Variants in SCUBE3 observed in about 807,000 individuals in gnomAD.
SCUBE3 encodes signal peptide, CUB and EGF-like domain-containing protein 3.
SCUBE3 carries 33 observed loss-of-function variants against 116.8 expected under a neutral mutation model. The observed-to-expected ratio is 0.28, with a 90% CI of 0.21 to 0.38. The LOEUF is 0.38. Ranked by LOEUF, SCUBE3 falls within the 10% of genes least tolerant of loss-of-function variation. SCUBE3 has a pLI of 1.00. For synonymous variants in SCUBE3, 418 were observed against 496.9 expected, an observed-to-expected ratio of 0.84 and a Z score of 2.11; for missense variants, 1,007 against 1,324.8, an observed-to-expected ratio of 0.76 and a Z score of 3.72.
intron 21 of SCUBE3, 68 bp downstream of exon 21, chr6:35,246,353 C>A: frequency 1.8e-6 from 2 of 1,120,720 alleles, no homozygotes; most frequent in Non-Finnish European, 1.4e-6. Flanking sequence ...AGGCAATAGG[C>A]TAAGTGCTTA....
intron 6 of SCUBE3, among the ~76,000 whole-genome samples, chr6:35,236,120 G>A (rs577708139): frequency 6.6e-6 from 1 of 152,310 alleles, no homozygotes; most frequent in Non-Finnish European, 1.5e-5. Context: ...CTTCCTTAGG[G>A]TTGTAATGCT....
In SCUBE3 at chr6:35,241,759, G is replaced by A. The variant is rs775435699; in HGVS notation, c.1313-47G>A. 8.4e-6 allele frequency: 13 copies of A among 1,541,236 alleles called. No homozygotes were observed. The highest frequency in any genetic ancestry group is 2.2e-5 in the East Asian group (1 of 44,566). ...TTCCCCCTGGATTCCTCCAGCCAGC[G>A]GGGGTTGGGAAGGCAGGTCAGAACT... On this transcript the variant is annotated intron_variant, in intron 11 of 21. Transcript: ENST00000274938. The surrounding 1 kb of genome is among the most constrained non-coding windows in gnomAD (Gnocchi z 4.1).
chr6:35,224,902 T>C (rs996537064), intron 1 of SCUBE3, among the ~76,000 whole-genome samples: 1 of 152,212 alleles, frequency 6.6e-6, no homozygotes, highest in African/African-American at 2.4e-5. Flanking sequence ...AGAGCAGTGC[T>C]ATCCTGTGGT....
At position 35,245,090 on chromosome 6, in the gene SCUBE3, T is replaced by C. The variant is rs1391679113; in HGVS notation, c.2402-138T>C. 2 of 819,078 alleles carry C rather than the reference T, an allele frequency of 2.4e-6. No homozygotes were observed. The highest frequency in any genetic ancestry group is 2.4e-5 in the East Asian group (1 of 41,044). The allele number at this position is 819,078 out of a possible 1,614,324, so 50.7% of individuals were successfully genotyped here. On this transcript the variant is annotated intron_variant, in intron 18 of 21. Coordinates refer to ENST00000274938, the MANE Select transcript of SCUBE3 (RefSeq NM_152753.4). The surrounding 1 kb of genome is among the most constrained non-coding windows in gnomAD (Gnocchi z 4.2). The stretch of plus-strand genomic sequence containing the variant: ...CAGGAAGGAAGATGGACTCAGAGCT[T>C]GGAAAATAATGATGAACTAGAACGC...
At chr6:35,225,180 C>T (rs1427616618) in intron 1 of SCUBE3, among the ~76,000 whole-genome samples, 2 of 152,240 alleles carry the variant, frequency 1.3e-5, no homozygotes. Context: ...AGCCAATTTA[C>T]ACAAATTATC....
intron 1 of SCUBE3, chr6:35,222,426 G>A (rs1783151541): frequency 6.6e-6 from 1 of 152,238 alleles, no homozygotes; most frequent in African/African-American, 2.4e-5. Context: ...TACTTTAGGA[G>A]AGTTTATGGA....
chr6:35,242,927 A>C, intron 14 of SCUBE3, 94 bp from the exon 15 acceptor site: 1 of 1,493,548 alleles, frequency 6.7e-7, no homozygotes, highest in Admixed American at 1.7e-5. Context: ...AGTCCCTCTT[A>C]CCATGCCCCT....
intron 6 of SCUBE3, among the ~76,000 whole-genome samples, chr6:35,237,339 G>A (rs950518411): frequency 1.3e-5 from 2 of 152,216 alleles, no homozygotes; most frequent in African/African-American, 4.8e-5. Context: ...GATCCTGGAA[G>A]TGGGATCTTT....
rs1239255131 is a variant in SCUBE3, at chr6:35,250,115, A to G, written c.*1410A>G. The G allele has an allele frequency of 6.6e-6, 1 of 152,430 alleles. No individual in the cohort carries two copies. Among genetic ancestry groups the G allele is most frequent in the African/African-American group, 2.4e-5 (1 of 41,452 alleles). The allele number at this position is 152,430 out of a possible 1,614,324, so 9.4% of individuals were successfully genotyped here. A position where few individuals can be genotyped will look rare whatever the true frequency, so the allele number is the denominator to read the frequency against. ...GCCACCTAGAGCCCTTGGCTGTGGT[A>G]ATCCAGGGTAATTGCGCAGAGGCAT... On this transcript the variant is annotated 3_prime_UTR_variant, in exon 22 of 22. Coordinates refer to ENST00000274938, the MANE Select transcript of SCUBE3 (RefSeq NM_152753.4).
At position 35,251,150 on chromosome 6, in the gene SCUBE3, C is replaced by CTTTTTTTTTTT. The variant is rs66748362; in HGVS notation, c.*2456_*2466dup. 1.7e-4 allele frequency: 14 copies of CTTTTTTTTTTT among 84,374 alleles called. No individual in the cohort carries two copies. Among genetic ancestry groups the CTTTTTTTTTTT allele is most frequent in the South Asian group, 4.4e-4 (1 of 2,262 alleles). The allele number at this position is 84,374 out of a possible 1,614,324, so 5.2% of individuals were successfully genotyped here. ...CTAGGATAACTTTCTTTCTTTCTTT[C>CTTTTTTTTTTT]TTTTTTTTTTTTTTTTTTTTTGAGA... On this transcript the variant is annotated 3_prime_UTR_variant, in exon 22 of 22. Transcript: ENST00000274938.
chr6:35,215,899 C>T (rs1479695407), intron 1 of SCUBE3, among the ~76,000 whole-genome samples: 2 of 152,236 alleles, frequency 1.3e-5, no homozygotes, highest in Non-Finnish European at 2.9e-5. Flanking sequence ...GCCACTGCCA[C>T]CCCCAACCTG....
chr6:35,241,470 G>C lies in SCUBE3; in HGVS notation c.1196-73G>C. 8.3e-7 allele frequency: 1 copy of C among 1,199,596 alleles called. No homozygotes were observed. Among genetic ancestry groups the C allele is most frequent in the South Asian group, 1.2e-5 (1 of 81,742 alleles). The allele number at this position is 1,199,596 out of a possible 1,614,324, so 74.3% of individuals were successfully genotyped here. On this transcript the variant is annotated intron_variant, in intron 10 of 21. Coordinates refer to ENST00000274938, the MANE Select transcript of SCUBE3 (RefSeq NM_152753.4). The surrounding 1 kb of genome is among the most constrained non-coding windows in gnomAD (Gnocchi z 4.1). ...GGGTACAACAATAGTTATGCAAGTA[G>C]CTGATTCCTCCAAATTACCCAACTG...
intron 1 of SCUBE3, chr6:35,221,514 C>G (rs1204586277): frequency 2.0e-5 from 3 of 152,200 alleles, no homozygotes; most frequent in Admixed American, 6.5e-5. Context: ...CTAATGCATC[C>G]ATGTCTCCAT....
chr6:35,241,722 G>T lies in SCUBE3; in HGVS notation c.1312+63G>T. On this transcript the variant is annotated intron_variant, in intron 11 of 21. Coordinates refer to ENST00000274938, the MANE Select transcript of SCUBE3 (RefSeq NM_152753.4). This position sits in a 1 kb window ranked among gnomAD's most constrained non-coding sequence, Gnocchi z 4.1. ...AAAAGAGGAAGGACTGGCCGTTCAG[G>T]CAGCTCCTTCATTCCCCCTGGATTC... 6.6e-7 allele frequency: 1 copy of T among 1,505,116 alleles called. No individual in the cohort carries two copies. Among genetic ancestry groups the T allele is most frequent in the Non-Finnish European group, 9.3e-7 (1 of 1,080,604 alleles). The allele number at this position is 1,505,116 out of a possible 1,614,324, so 93.2% of individuals were successfully genotyped here.
rs775131600 is a variant in SCUBE3, at chr6:35,228,790, A to ATG, written c.334+52_334+53insGT. The ATG allele has an allele frequency of 6.3e-7, 1 of 1,582,036 alleles. No homozygotes were observed. Among genetic ancestry groups the ATG allele is most frequent in the African/African-American group, 1.3e-5 (1 of 74,418 alleles). ...GGAGGGATGTCTTGTGGAGAAAGAG[A>ATG]TCTTTTCAGCATTTCCTATTTCCCA... is the stretch of plus-strand genomic sequence containing the variant. On this transcript the variant is annotated intron_variant, in intron 3 of 21. Transcript: ENST00000274938. The surrounding 1 kb of genome is among the most constrained non-coding windows in gnomAD (Gnocchi z 4.9).
Position 35,241,354 on chromosome 6 carries a change from GA to G in SCUBE3, c.1195+91del. On this transcript the variant is annotated intron_variant, in intron 10 of 21. Coordinates refer to ENST00000274938, the MANE Select transcript of SCUBE3 (RefSeq NM_152753.4). This position sits in a 1 kb window ranked among gnomAD's most constrained non-coding sequence, Gnocchi z 4.1. Reference sequence around the variant, plus strand: ...GGAAAGCATAGAGTATCACATTGGGGAAAGGTGTGAGGTGGAAAGGGTGGAG... The same window carrying G: ...GGAAAGCATAGAGTATCACATTGGGGAAGGTGTGAGGTGGAAAGGGTGGAG... 1 of 1,435,326 alleles carries G rather than the reference GA, an allele frequency of 7.0e-7. No homozygotes were observed. The highest frequency in any genetic ancestry group is 1.3e-5 in the South Asian group (1 of 78,470). The allele number at this position is 1,435,326 out of a possible 1,614,324, so 88.9% of individuals were successfully genotyped here.
intron 1 of SCUBE3, among the ~76,000 whole-genome samples, chr6:35,225,968 A>T (rs568173867): frequency 6.6e-6 from 1 of 152,326 alleles, no homozygotes; most frequent in South Asian, 2.1e-4. Context: ...TTGTGGGATC[A>T]CAGGAGAGTA....
At chr6:35,237,767 C>T (rs1581934181) in intron 6 of SCUBE3, 135 bp from the exon 7 acceptor site, 2 of 627,624 alleles carry the variant, frequency 3.2e-6, no homozygotes, top group Non-Finnish European at 2.9e-6. Context: ...CCTCCCTTGG[C>T]TTAATGCTCC....
At chr6:35,227,830 G>A (rs1783390175) in intron 2 of SCUBE3, 128 bp downstream of exon 2, 2 of 956,528 alleles carry the variant, frequency 2.1e-6, no homozygotes, top group African/African-American at 1.6e-5. Context: ...GTGGGGGGGT[G>A]GTGAGGGGGG....
Sources: gnomAD v4.1 joint callset for allele counts (sites outside exome capture counted in the v4.1 genomes callset) on GRCh38, gnomAD v4.1.1 for gene constraint, Gnocchi (gnomAD v3.1) non-coding constraint, MANE v1.5 for transcripts, NCBI Gene and HGNC (gene_info 2026-07-23, HGNC 2026-07-21) for gene names.